MYO5B: variants seen among roughly 807,000 people sequenced by gnomAD.
The protein encoded by MYO5B is unconventional myosin-Vb.
A neutral mutation model predicts 229.3 loss-of-function variants in MYO5B; 143 were observed. The observed-to-expected ratio is 0.62, with a 90% CI of 0.54 to 0.72. MYO5B has a LOEUF of 0.72. Among genes scored for constraint, MYO5B ranks in the 30% least tolerant of loss-of-function variants. The pLI is 0.00. For synonymous variants in MYO5B, 918 were observed against 885.2 expected, an observed-to-expected ratio of 1.04 and a Z score of -0.66; for missense variants, 2,321 against 2,331.0, an observed-to-expected ratio of 1.00 and a Z score of 0.09.
rs1194649485 is a variant in MYO5B at position 50,014,573 on chromosome 18, G to A, written c.456-13162C>T. ...AGTTCACTGTAATGCGGCACCTACC[G>A]CCCTATCTCCTGCAGTAAATGAAGC... On this transcript the variant is annotated intron_variant, in intron 4 of 39. Transcript: ENST00000285039. Among the ~76,000 whole-genome samples, 6 of 152,274 alleles carry A rather than the reference G, an allele frequency of 3.9e-5. No homozygotes were observed. The Middle Eastern group carries it at 0.01, about 259-fold the overall frequency.
At chr18:49,988,517 C>T (rs1351662173) in intron 7 of MYO5B, among the ~76,000 whole-genome samples, 1 of 152,178 alleles carries the variant, frequency 6.6e-6, no homozygotes, top group Non-Finnish European at 1.5e-5. Flanking sequence ...CTCAATATGA[C>T]TCATGTAACT....
chr18:50,139,346 G>A (rs947567708), intron 1 of MYO5B, among the ~76,000 whole-genome samples: 1 of 152,210 alleles, frequency 6.6e-6, no homozygotes, highest in Non-Finnish European at 1.5e-5. Context: ...CTGGACCCTA[G>A]CAGATCACAC....
chr18:49,855,610 C>G (rs911920896), intron 30 of MYO5B, among the ~76,000 whole-genome samples: 1 of 152,156 alleles, frequency 6.6e-6, no homozygotes, highest in African/African-American at 2.4e-5. Context: ...GGTTACGTAT[C>G]AGGCATGTGC....
At chr18:49,949,591 G>A (rs2025411456) in intron 14 of MYO5B, among the ~76,000 whole-genome samples, 1 of 152,084 alleles carries the variant, frequency 6.6e-6, no homozygotes, top group Admixed American at 6.5e-5. Flanking sequence ...TAGAGTATAT[G>A]GGTGTCTTCT....
At chr18:49,925,336 C>T in intron 17 of MYO5B, among the ~76,000 whole-genome samples, 1 of 152,182 alleles carries the variant, frequency 6.6e-6, no homozygotes, top group East Asian at 1.9e-4. Flanking sequence ...TCCGGTTGTC[C>T]CACTTGTCTG....
chr18:50,137,128 T>C (rs76125205), intron 1 of MYO5B, among the ~76,000 whole-genome samples: 1 of 145,172 alleles, frequency 6.9e-6, no homozygotes, highest in African/African-American at 2.6e-5. Context: ...GTTTCAAGCA[T>C]TGCAAAAAGA....
At chr18:49,990,789 TGC>T (rs1028136002) in intron 6 of MYO5B, among the ~76,000 whole-genome samples, 29 of 152,250 alleles carry the variant, frequency 1.9e-4, no homozygotes, top group Non-Finnish European at 1.5e-5. Flanking sequence ...AGGACATCAT[TGC>T]TCTTCACAAA....
intron 1 of MYO5B, among the ~76,000 whole-genome samples, chr18:50,057,606 A>G (rs925226008): frequency 2.0e-5 from 3 of 151,996 alleles, no homozygotes; most frequent in Admixed American, 1.3e-4. Context: ...GCTTGATCTC[A>G]ACTTTTATTC....
At chr18:50,075,821 A>T (rs2031065724) in intron 1 of MYO5B, among the ~76,000 whole-genome samples, 1 of 152,236 alleles carries the variant, frequency 6.6e-6, no homozygotes, top group Non-Finnish European at 1.5e-5. Context: ...CCAGGACAAC[A>T]GCTTCCAGCT....
At chr18:50,043,844 G>A (rs1490439385) in intron 2 of MYO5B, among the ~76,000 whole-genome samples, 5 of 151,786 alleles carry the variant, frequency 3.3e-5, no homozygotes, top group South Asian at 2.1e-4. Context: ...GCTAAGCTAT[G>A]AGGATGCAAA....
At chr18:49,844,236 G>A (rs1471218279) in intron 33 of MYO5B, among the ~76,000 whole-genome samples, 1 of 152,218 alleles carries the variant, frequency 6.6e-6, no homozygotes, top group Non-Finnish European at 1.5e-5. Context: ...TGCCAGCTGA[G>A]CCAGACTTAA....
At chr18:49,869,394 G>T (rs1255669689) in intron 27 of MYO5B, among the ~76,000 whole-genome samples, 1 of 152,124 alleles carries the variant, frequency 6.6e-6, no homozygotes, top group Non-Finnish European at 1.5e-5. Flanking sequence ...TAACCCCAGG[G>T]GTCCCCGGGA....
At chr18:49,980,712 C>A (rs922258664) in intron 8 of MYO5B, among the ~76,000 whole-genome samples, 159 bp from the exon 9 acceptor site, 2 of 151,956 alleles carry the variant, frequency 1.3e-5, no homozygotes, top group Non-Finnish European at 2.9e-5. Flanking sequence ...AAGTAATTAC[C>A]ACTCACAGTA....
At chr18:49,868,326 A>G (rs2024420299) in intron 27 of MYO5B, among the ~76,000 whole-genome samples, 5 of 152,228 alleles carry the variant, frequency 3.3e-5, no homozygotes, top group Admixed American at 3.3e-4. Context: ...AGGAGAAAAA[A>G]AAACACTCGA....
chr18:50,134,436 TC>T (rs1352336009), intron 1 of MYO5B, among the ~76,000 whole-genome samples: 1 of 151,760 alleles, frequency 6.6e-6, no homozygotes, highest in South Asian at 2.1e-4. Flanking sequence ...GTACCTGTAA[TC>T]CCAGCTACTC....
intron 1 of MYO5B, among the ~76,000 whole-genome samples, chr18:50,170,370 A>G (rs1285081295): frequency 7.8e-6 from 1 of 127,934 alleles, no homozygotes; most frequent in South Asian, 2.7e-4. Context: ...CACCGCCTCT[A>G]TGAGAAAGAT....
intron 5 of MYO5B, among the ~76,000 whole-genome samples, chr18:49,995,356 G>A (rs895104989): frequency 6.0e-5 from 9 of 149,030 alleles, no homozygotes; most frequent in East Asian, 3.9e-4. Context: ...CCAGGTTCAC[G>A]CCATTCTCCT....
intron 1 of MYO5B, among the ~76,000 whole-genome samples, chr18:50,105,189 G>A (rs866555528): frequency 2.3e-4 from 34 of 147,344 alleles, no homozygotes; most frequent in Admixed American, 7.5e-4. Context: ...GTAAGCAAGA[G>A]GTCAAGGCAT....
chr18:50,162,063 T>C (rs956010129), intron 1 of MYO5B, among the ~76,000 whole-genome samples: 4 of 152,240 alleles, frequency 2.6e-5, no homozygotes, highest in Admixed American at 6.5e-5. Context: ...TCAGTAGTGG[T>C]ATTTCCCAGA....
Sources: allele counts gnomAD v4.1 joint callset (sites outside exome capture counted in the v4.1 genomes callset), GRCh38; gene constraint gnomAD v4.1.1; transcripts MANE v1.5; gene names NCBI Gene and HGNC (gene_info 2026-07-23, HGNC 2026-07-21).